Variants in RBMS3 observed in about 807,000 individuals in gnomAD.
RBMS3 encodes the protein RNA binding motif single stranded interacting protein 3, also known as RNA-binding motif, single-stranded-interacting protein 3.
RBMS3 carries 27 observed loss-of-function variants against 66.8 expected under a neutral mutation model. The ratio of observed to expected loss-of-function variants is 0.40; its 90% CI spans 0.30 to 0.56. The LOEUF is 0.56. Among genes scored for constraint, RBMS3 ranks in the 20% least tolerant of loss-of-function variants. RBMS3 has a pLI of 0.40. For missense variants in RBMS3, 513 were observed against 549.5 expected, an observed-to-expected ratio of 0.93 and a Z score of 0.66; for synonymous variants, 188 against 183.0, an observed-to-expected ratio of 1.03 and a Z score of -0.22.
intron 1 of RBMS3, among the ~76,000 whole-genome samples, chr3:29,309,244 A>G (rs777715857): frequency 4.6e-5 from 7 of 151,866 alleles, no homozygotes; most frequent in South Asian, 2.1e-4. Flanking sequence ...AGGAGAAAGA[A>G]CAGGTTTTTG....
intron 4 of RBMS3, among the ~76,000 whole-genome samples, chr3:29,686,221 C>G (rs1253665721): frequency 6.6e-6 from 1 of 152,174 alleles, no homozygotes; most frequent in Non-Finnish European, 1.5e-5. Context: ...TTACTCTAAT[C>G]AGTACATTCT....
intron 1 of RBMS3, among the ~76,000 whole-genome samples, chr3:29,419,512 C>G (rs1438883966): frequency 6.6e-6 from 1 of 152,094 alleles, no homozygotes; most frequent in Non-Finnish European, 1.5e-5. Context: ...CTAATTAGAT[C>G]TCTTCTTCAA....
intron 2 of RBMS3, among the ~76,000 whole-genome samples, chr3:29,441,024 A>G (rs1009136138): frequency 1.3e-5 from 2 of 152,024 alleles, no homozygotes; most frequent in African/African-American, 4.8e-5. Context: ...TGAAGATTTA[A>G]AAGTTTCCTC....
intron 1 of RBMS3, among the ~76,000 whole-genome samples, chr3:29,410,483 C>G (rs2040218629): frequency 6.6e-6 from 1 of 152,182 alleles, no homozygotes. Flanking sequence ...GACACTTTCC[C>G]TCCTAGATCC....
At chr3:29,977,661 A>C (rs989788255) in intron 12 of RBMS3, among the ~76,000 whole-genome samples, 1 of 152,178 alleles carries the variant, frequency 6.6e-6, no homozygotes. Context: ...GTGAAAATCT[A>C]ATGATTTCAT....
intron 1 of RBMS3, among the ~76,000 whole-genome samples, chr3:29,425,410 T>C (rs1443705920): frequency 1.3e-5 from 2 of 150,878 alleles, no homozygotes; most frequent in Non-Finnish European, 2.9e-5. Flanking sequence ...TTGGCAATAT[T>C]ACTAATTGTA....
intron 10 of RBMS3, among the ~76,000 whole-genome samples, chr3:29,911,468 A>C (rs1257823793): frequency 6.6e-6 from 1 of 152,022 alleles, no homozygotes; most frequent in Non-Finnish European, 1.5e-5. Flanking sequence ...TTCCGTTTGC[A>C]TTTCTAGGCA....
At chr3:29,531,021 TTA>T (rs2045334053) in intron 3 of RBMS3, among the ~76,000 whole-genome samples, 1 of 152,192 alleles carries the variant, frequency 6.6e-6, no homozygotes, top group African/African-American at 2.4e-5. Context: ...CCAGGGATAC[TTA>T]TGTCTTTGCA....
chr3:29,516,228 C>G (rs2044614840), intron 3 of RBMS3, among the ~76,000 whole-genome samples: 1 of 152,108 alleles, frequency 6.6e-6, no homozygotes, highest in South Asian at 2.1e-4. Flanking sequence ...TCAGTTTTTA[C>G]CAATAAAATA....
intron 2 of RBMS3, among the ~76,000 whole-genome samples, chr3:29,455,054 A>G (rs368470496): frequency 2.6e-5 from 4 of 151,510 alleles, no homozygotes; most frequent in South Asian, 4.1e-4. Flanking sequence ...CTCCCTCCCT[A>G]TCTATCTGTT....
chr3:29,418,237 T>C (rs760048856), intron 1 of RBMS3, among the ~76,000 whole-genome samples: 7 of 152,136 alleles, frequency 4.6e-5, no homozygotes, highest in Non-Finnish European at 7.4e-5. Context: ...CCATTCTCAG[T>C]CTTCTAATCA....
intron 12 of RBMS3, among the ~76,000 whole-genome samples, chr3:29,949,853 T>G (rs1271819693): frequency 6.6e-6 from 1 of 151,794 alleles, no homozygotes; most frequent in Non-Finnish European, 1.5e-5. Flanking sequence ...CTGTTTATTA[T>G]CCTCTTGGCA....
At chr3:29,681,211 A>G (rs2149260287) in intron 4 of RBMS3, among the ~76,000 whole-genome samples, 1 of 152,332 alleles carries the variant, frequency 6.6e-6, no homozygotes, top group East Asian at 1.9e-4. Flanking sequence ...TTCTTCATGA[A>G]ATGTTTCATT....
intron 2 of RBMS3, among the ~76,000 whole-genome samples, chr3:29,453,673 A>C (rs1022612649): frequency 6.6e-6 from 1 of 152,130 alleles, no homozygotes; most frequent in Admixed American, 6.5e-5. Flanking sequence ...ATGCTTATAG[A>C]CCACGTAAAG....
At chr3:29,485,133 A>G (rs923535364) in intron 2 of RBMS3, among the ~76,000 whole-genome samples, 1 of 152,222 alleles carries the variant, frequency 6.6e-6, no homozygotes, top group Non-Finnish European at 1.5e-5. Flanking sequence ...AGTTTAAATT[A>G]GGCTTGTATG....
At chr3:29,711,783 C>G (rs545420965) in intron 4 of RBMS3, among the ~76,000 whole-genome samples, 1 of 152,146 alleles carries the variant, frequency 6.6e-6, no homozygotes, top group East Asian at 1.9e-4. Context: ...TGAGGATTAG[C>G]TATTGCCTTT....
intron 3 of RBMS3, among the ~76,000 whole-genome samples, chr3:29,511,502 G>T (rs947529745): frequency 6.6e-6 from 1 of 152,046 alleles, no homozygotes; most frequent in Non-Finnish European, 1.5e-5. Context: ...ATTTGTTGGT[G>T]CCTCTGTGAG....
rs1699913961 is a variant in RBMS3, at chr3:30,009,908, A to G, written c.*6046A>G. 1 of 152,040 alleles carries G rather than the reference A, an allele frequency of 6.6e-6. No homozygotes were observed. The highest frequency in any genetic ancestry group is 1.5e-5 in the Non-Finnish European group (1 of 67,990). The allele number at this position is 152,040 out of a possible 1,614,324, so 9.4% of individuals were successfully genotyped here. ...CATATATAAAAAAATAAGTTATTCC[A>G]TGCTTTTCAGGAACTGTAAAAATTA... On this transcript the variant is annotated 3_prime_UTR_variant, in exon 15 of 15. Coordinates refer to ENST00000383767, the MANE Select transcript of RBMS3 (RefSeq NM_001003793.3).
intron 5 of RBMS3, among the ~76,000 whole-genome samples, chr3:29,751,182 C>G (rs555402875): frequency 6.6e-6 from 1 of 152,240 alleles, no homozygotes; most frequent in South Asian, 2.1e-4. Context: ...GTAAACAAAT[C>G]TTTTACTATC....
Sources: gnomAD v4.1 joint callset for allele counts (sites outside exome capture counted in the v4.1 genomes callset) on GRCh38, gnomAD v4.1.1 for gene constraint, MANE v1.5 for transcripts, NCBI Gene and HGNC (gene_info 2026-07-23, HGNC 2026-07-21) for gene names.